The following HS3ST4 variants were observed in gnomAD, a reference collection of about 807,000 sequenced individuals.
HS3ST4 encodes heparan sulfate-glucosamine 3-sulfotransferase 4.
HS3ST4 carries 17 observed loss-of-function variants against 29.2 expected under a neutral mutation model. The ratio of observed to expected loss-of-function variants is 0.58; its 90% CI spans 0.40 to 0.87. HS3ST4 has a LOEUF of 0.87. Ranked by LOEUF, HS3ST4 falls within the 40% of genes least tolerant of loss-of-function variation. The pLI is 0.00. For missense variants in HS3ST4, 627 were observed against 634.5 expected, an observed-to-expected ratio of 0.99 and a Z score of 0.13; for synonymous variants, 314 against 285.7, an observed-to-expected ratio of 1.10 and a Z score of -1.00.
chr16:25,820,641 C>G, intron 1 of HS3ST4, among the ~76,000 whole-genome samples: 1 of 151,920 alleles, frequency 6.6e-6, no homozygotes, highest in East Asian at 1.9e-4. Context: ...CTTTATGTTG[C>G]CGAGGCTGGT....
rs181292411 is a variant in HS3ST4 at position 25,907,938 on chromosome 16, T to C, written c.734+214787T>C. ...TTATTTTTATTTCTCTCTTTATTTC[T>C]TTATTTTGTATCAGCCTGTATTAAA... On this transcript the variant is annotated intron_variant, in intron 1 of 1. Transcript: ENST00000331351. 5.9e-5 allele frequency among the ~76,000 whole-genome samples: 9 copies of C among 152,360 alleles called. No individual in the cohort carries two copies. The East Asian group carries it at 1.7e-3, about 29-fold the overall frequency.
chr16:26,030,486 C>A (rs1969521932), intron 1 of HS3ST4, among the ~76,000 whole-genome samples: 1 of 152,308 alleles, frequency 6.6e-6, no homozygotes, highest in South Asian at 2.1e-4. Flanking sequence ...CGCAAAGCAC[C>A]TGAAGCCATG....
chr16:25,846,712 G>A (rs1337044832), intron 1 of HS3ST4, among the ~76,000 whole-genome samples: 1 of 151,930 alleles, frequency 6.6e-6, no homozygotes, highest in Non-Finnish European at 1.5e-5. Flanking sequence ...TTCTAATATA[G>A]CCATAGTTTT....
intron 1 of HS3ST4, among the ~76,000 whole-genome samples, chr16:25,972,985 A>G (rs1968911759): frequency 6.6e-6 from 1 of 152,170 alleles, no homozygotes. Flanking sequence ...GATCAAATAC[A>G]CCCTTCTCAT....
At chr16:26,012,743 C>CT (rs1969322125) in intron 1 of HS3ST4, among the ~76,000 whole-genome samples, 2 of 152,280 alleles carry the variant, frequency 1.3e-5, no homozygotes, top group Non-Finnish European at 2.9e-5. Context: ...GGACCAGGAA[C>CT]TTGGCAGGTG....
chr16:25,829,488 G>A (rs1350665007), intron 1 of HS3ST4, among the ~76,000 whole-genome samples: 2 of 152,138 alleles, frequency 1.3e-5, no homozygotes, highest in Admixed American at 6.5e-5. Flanking sequence ...ATGTACCGTG[G>A]TGGTTTGCTG....
Position 26,106,414 on chromosome 16 carries a change from A to G in HS3ST4, c.735-29198A>G, listed in dbSNP as rs980174061. Among the ~76,000 whole-genome samples, 3 of 152,194 alleles carry G rather than the reference A, an allele frequency of 2.0e-5. No homozygotes were observed. In the South Asian group the frequency reaches 6.2e-4, roughly 31 times the overall value. On this transcript the variant is annotated intron_variant, in intron 1 of 1. Coordinates refer to ENST00000331351, the MANE Select transcript of HS3ST4 (RefSeq NM_006040.3). ...CTATCTGGCTACTTTATTTGATCCT[A>G]ATAAATGAGATATTTTGTATACATG...
At chr16:26,005,572 C>G (rs995686044) in intron 1 of HS3ST4, among the ~76,000 whole-genome samples, 5 of 152,064 alleles carry the variant, frequency 3.3e-5, no homozygotes, top group Admixed American at 2.6e-4. Flanking sequence ...GAACGTTAAG[C>G]TGGATTTGCA....
chr16:25,753,795 A>G (rs923868161), intron 1 of HS3ST4, among the ~76,000 whole-genome samples: 12 of 152,190 alleles, frequency 7.9e-5, no homozygotes, highest in African/African-American at 2.9e-4. Context: ...AATGGGTTTC[A>G]CTTATTTTTT....
At chr16:25,883,884 G>A (rs1476695180) in intron 1 of HS3ST4, among the ~76,000 whole-genome samples, 1 of 152,150 alleles carries the variant, frequency 6.6e-6, no homozygotes, top group Admixed American at 6.5e-5. Flanking sequence ...GGAGGCCGAG[G>A]CAGGTGGATC....
rs571472923 is a variant in HS3ST4 at position 25,957,531 on chromosome 16, C to T, written c.735-178081C>T. ...CTCCTGGGTTCAAGCAATTCCCCTT[C>T]GTCAGCCTCCCGAGTAGCTGGGATT... On this transcript the variant is annotated intron_variant, in intron 1 of 1. Transcript: ENST00000331351. 1.5e-3 allele frequency among the ~76,000 whole-genome samples: 226 copies of T among 152,256 alleles called. 1 individual carries two copies. Among genetic ancestry groups the T allele is most frequent in the Middle Eastern group, 3.4e-3 (1 of 294 alleles).
chr16:25,833,247 A>T (rs1967323600), intron 1 of HS3ST4, among the ~76,000 whole-genome samples: 1 of 152,104 alleles, frequency 6.6e-6, no homozygotes, highest in Non-Finnish European at 1.5e-5. Flanking sequence ...CCGTTTTTTT[A>T]TGGGAAGAAG....
rs567950188 is a variant in HS3ST4, at chr16:26,072,786, A to G, written c.735-62826A>G. ...GTCCTGTAACTTTTCCATGAAAACAAGACATTTAGTTTGAAGAAAATCAGA... is the reference window on the plus strand; with the variant it reads ...GTCCTGTAACTTTTCCATGAAAACAGGACATTTAGTTTGAAGAAAATCAGA... On this transcript the variant is annotated intron_variant, in intron 1 of 1. Transcript: ENST00000331351. Among the ~76,000 whole-genome samples the G allele has an allele frequency of 8.5e-5, 13 of 152,342 alleles. No homozygotes were observed. The South Asian group carries it at 2.7e-3, about 32-fold the overall frequency.
At chr16:25,846,883 C>G (rs568274627) in intron 1 of HS3ST4, among the ~76,000 whole-genome samples, 2 of 152,242 alleles carry the variant, frequency 1.3e-5, no homozygotes, top group African/African-American at 4.8e-5. Flanking sequence ...TTGGTACTAT[C>G]TGTTGTGTTC....
At chr16:25,877,767 A>G (rs1967847920) in intron 1 of HS3ST4, among the ~76,000 whole-genome samples, 1 of 152,168 alleles carries the variant, frequency 6.6e-6, no homozygotes, top group African/African-American at 2.4e-5. Context: ...TAGGAAACAG[A>G]TACCATGATG....
At chr16:25,969,709 C>G (rs920393097) in intron 1 of HS3ST4, among the ~76,000 whole-genome samples, 1 of 152,196 alleles carries the variant, frequency 6.6e-6, no homozygotes, top group East Asian at 1.9e-4. Context: ...GGCTGGCATA[C>G]TGCAGATGTG....
At chr16:25,934,411 T>A (rs909812204) in intron 1 of HS3ST4, among the ~76,000 whole-genome samples, 1 of 152,052 alleles carries the variant, frequency 6.6e-6, no homozygotes, top group Non-Finnish European at 1.5e-5. Context: ...CAGAATTGGG[T>A]CTAATGGACA....
In HS3ST4 at chr16:25,880,189, A is replaced by G. The variant is rs1248489895; in HGVS notation, c.734+187038A>G. 2.6e-5 allele frequency among the ~76,000 whole-genome samples: 4 copies of G among 152,240 alleles called. No homozygotes were observed. The East Asian group carries it at 5.8e-4, about 22-fold the overall frequency. ...TCTTAGTATCAAGCAACTTTTCTTT[A>G]TATTAGTCAGTAGGTTGTTCGTGTC... On this transcript the variant is annotated intron_variant, in intron 1 of 1. Transcript: ENST00000331351.
intron 1 of HS3ST4, among the ~76,000 whole-genome samples, chr16:25,808,549 T>A (rs1451262520): frequency 6.6e-6 from 1 of 152,174 alleles, no homozygotes; most frequent in African/African-American, 2.4e-5. Flanking sequence ...GTGAATGGAT[T>A]ACTCTCCTTT....
Sources: gnomAD v4.1 joint callset for allele counts (sites outside exome capture counted in the v4.1 genomes callset) on GRCh38, gnomAD v4.1.1 for gene constraint, MANE v1.5 for transcripts, NCBI Gene and HGNC (gene_info 2026-07-23, HGNC 2026-07-21) for gene names.